Variants in BBX observed in about 807,000 individuals in gnomAD.
BBX encodes the protein BBX high mobility group box domain containing.
In BBX, 30 loss-of-function variants were observed where a neutral mutation model predicts 100.2. The ratio of observed to expected loss-of-function variants is 0.30; its 90% CI spans 0.22 to 0.41. The LOEUF (loss-of-function observed/expected upper bound fraction) is 0.41. BBX is among the 10% of genes least tolerant of loss of function. The pLI is 1.00. For synonymous variants in BBX, 376 were observed against 388.1 expected, an observed-to-expected ratio of 0.97 and a Z score of 0.37; for missense variants, 1,023 against 1,129.8, an observed-to-expected ratio of 0.91 and a Z score of 1.35.
At chr3:107,632,605 T>C (rs1414337636) in intron 2 of BBX, among the ~76,000 whole-genome samples, 1 of 152,220 alleles carries the variant, frequency 6.6e-6, no homozygotes, top group Admixed American at 6.5e-5. Context: ...AGAGCTCACC[T>C]GTTATCAAAG....
In BBX at chr3:107,745,501, A is replaced by T. The variant is rs114124578; in HGVS notation, c.750+791A>T. On this transcript the variant is annotated intron_variant, in intron 8 of 17. Transcript: ENST00000325805. ...TTTTAAGAGAGAGTCTCAATCTGTC[A>T]TCCAGGCTAGAGTGCAGCAGCATGA... Among the ~76,000 whole-genome samples, 529 of 152,188 alleles carry T rather than the reference A, an allele frequency of 3.5e-3. 2 individuals carry two copies. The highest frequency in any genetic ancestry group is 0.012 in the African/African-American group (507 of 41,532).
At chr3:107,692,493 T>C (rs1008328582) in intron 3 of BBX, among the ~76,000 whole-genome samples, 10 of 152,128 alleles carry the variant, frequency 6.6e-5, no homozygotes, top group East Asian at 3.9e-4. Flanking sequence ...TGGTTTTCAG[T>C]TTCATCCATG....
At position 107,643,530 on chromosome 3, in the gene BBX, G is replaced by A. The variant is rs189121890; in HGVS notation, c.-83-2306G>A. Reference sequence around the variant, plus strand: ...AGCCAAGGCTCTGTGGGGGTGATTGGGGGTTGAAAGTAAGCCAAAGTGGGA... The same window carrying A: ...AGCCAAGGCTCTGTGGGGGTGATTGAGGGTTGAAAGTAAGCCAAAGTGGGA... On this transcript the variant is annotated intron_variant, in intron 2 of 17. Transcript: ENST00000325805. 3.3e-5 allele frequency among the ~76,000 whole-genome samples: 5 copies of A among 152,156 alleles called. No homozygotes were observed. In the East Asian group the frequency reaches 5.8e-4, roughly 18 times the overall value.
At chr3:107,534,879 CT>C (rs1328499881) in intron 2 of BBX, among the ~76,000 whole-genome samples, 5 of 152,190 alleles carry the variant, frequency 3.3e-5, no homozygotes, top group Non-Finnish European at 7.3e-5. Flanking sequence ...TTCATTTAAA[CT>C]TCAGGAAAGT....
intron 2 of BBX, among the ~76,000 whole-genome samples, chr3:107,553,288 C>CT (rs2049842420): frequency 6.6e-6 from 1 of 152,096 alleles, no homozygotes; most frequent in Non-Finnish European, 1.5e-5. Context: ...ACAAATAAGA[C>CT]TAAGAGATAG....
At chr3:107,586,368 C>T (rs965044818) in intron 2 of BBX, among the ~76,000 whole-genome samples, 1 of 151,982 alleles carries the variant, frequency 6.6e-6, no homozygotes, top group Non-Finnish European at 1.5e-5. Context: ...GAGAGATATT[C>T]GTAATTGTTT....
At chr3:107,770,413 A>G (rs2066810003) in intron 10 of BBX, among the ~76,000 whole-genome samples, 1 of 152,144 alleles carries the variant, frequency 6.6e-6, no homozygotes, top group Non-Finnish European at 1.5e-5. Flanking sequence ...GAACTAGTAT[A>G]ATTTCTCTCC....
At chr3:107,797,540 C>T (rs531820162) in intron 15 of BBX, among the ~76,000 whole-genome samples, 5 of 151,656 alleles carry the variant, frequency 3.3e-5, no homozygotes, top group Admixed American at 6.6e-5. Context: ...CATCTTTTCC[C>T]GGCTTAAAAG....
intron 2 of BBX, among the ~76,000 whole-genome samples, chr3:107,619,409 T>G (rs1176321748): frequency 6.6e-6 from 1 of 152,114 alleles, no homozygotes; most frequent in African/African-American, 2.4e-5. Flanking sequence ...TATAATCGTC[T>G]TAAAAGCTTT....
chr3:107,564,413 C>G (rs1168690623), intron 2 of BBX, among the ~76,000 whole-genome samples: 1 of 152,118 alleles, frequency 6.6e-6, no homozygotes, highest in East Asian at 1.9e-4. Context: ...TCAACTTTAT[C>G]AATTTTTCCC....
intron 10 of BBX, among the ~76,000 whole-genome samples, chr3:107,762,351 A>G (rs573410927): frequency 5.1e-4 from 77 of 152,374 alleles, no homozygotes; most frequent in African/African-American, 1.8e-3. Context: ...AGCAAACTAC[A>G]GAACTGTTAA....
intron 3 of BBX, among the ~76,000 whole-genome samples, chr3:107,697,313 C>G (rs913322151): frequency 6.6e-6 from 1 of 151,752 alleles, no homozygotes; most frequent in Non-Finnish European, 1.5e-5. Flanking sequence ...TCTGTTTTTT[C>G]CCCATCTTTG....
chr3:107,565,397 TTTAA>T (rs2050803707), intron 2 of BBX, among the ~76,000 whole-genome samples: 2 of 151,348 alleles, frequency 1.3e-5, no homozygotes, highest in African/African-American at 2.4e-5. Flanking sequence ...TTTTACATAT[TTTAA>T]TTAGTCTAAT....
intron 3 of BBX, among the ~76,000 whole-genome samples, chr3:107,668,161 G>A (rs1339557446): frequency 6.6e-6 from 1 of 152,264 alleles, no homozygotes; most frequent in Non-Finnish European, 1.5e-5. Context: ...TACATATTAT[G>A]TTGTTGAAAA....
intron 7 of BBX, among the ~76,000 whole-genome samples, chr3:107,737,137 A>C (rs928106561): frequency 1.3e-4 from 20 of 152,144 alleles, no homozygotes; most frequent in African/African-American, 4.8e-4. Context: ...GATTAATTAA[A>C]TAAAAGCTGT....
chr3:107,542,794 C>G (rs1034161227), intron 2 of BBX, among the ~76,000 whole-genome samples: 1 of 152,136 alleles, frequency 6.6e-6, no homozygotes, highest in Non-Finnish European at 1.5e-5. Context: ...TATTTATAAT[C>G]ACTCACTCCC....
chr3:107,799,543 C>T (rs890544394), intron 16 of BBX, among the ~76,000 whole-genome samples: 1 of 152,036 alleles, frequency 6.6e-6, no homozygotes, highest in Non-Finnish European at 1.5e-5. Context: ...TCCAGGAGAT[C>T]CTATACTTTT....
chr3:107,704,278 A>G (rs1488651217), intron 3 of BBX, among the ~76,000 whole-genome samples: 2 of 152,258 alleles, frequency 1.3e-5, no homozygotes, highest in Non-Finnish European at 2.9e-5. Flanking sequence ...TATGTGGTTA[A>G]GTGTTAGATG....
intron 12 of BBX, chr3:107,776,174 T>C (rs1188231185): frequency 1.3e-5 from 2 of 152,076 alleles, no homozygotes; most frequent in African/African-American, 2.4e-5. Context: ...GCAGGTGTTA[T>C]GTAGGCAGTG....
Sources: allele counts gnomAD v4.1 joint callset (sites outside exome capture counted in the v4.1 genomes callset), GRCh38; gene constraint gnomAD v4.1.1; transcripts MANE v1.5; gene names NCBI Gene and HGNC (gene_info 2026-07-23, HGNC 2026-07-21).